APELA: variants seen among roughly 807,000 people sequenced by gnomAD.
APELA encodes the protein apelin receptor early endogenous ligand.
intron 2 of APELA, among the ~76,000 whole-genome samples, chr4:164,884,497 GACAA>G (rs1730730889): frequency 6.6e-6 from 1 of 152,094 alleles, no homozygotes; most frequent in Admixed American, 6.6e-5. Context: ...ACAATAATTT[GACAA>G]ACAACACCTT....
chr4:164,884,727 CTATCA>C (rs1196445323), intron 2 of APELA, among the ~76,000 whole-genome samples: 1 of 152,110 alleles, frequency 6.6e-6, no homozygotes, highest in Non-Finnish European at 1.5e-5. Flanking sequence ...GGCCCTTATC[CTATCA>C]TAACAATACT....
intron 2 of APELA, among the ~76,000 whole-genome samples, chr4:164,888,217 T>G (rs1730815603): frequency 6.6e-6 from 1 of 152,188 alleles, no homozygotes; most frequent in South Asian, 2.1e-4. Context: ...ACCACTCAAA[T>G]GAATCAAGCC....
Position 164,878,195 on chromosome 4 carries a change from A to AG in APELA, c.77-725_77-724insG, listed in dbSNP as rs1303426001. Among the ~76,000 whole-genome samples the AG allele has an allele frequency of 3.5e-3, 426 of 122,924 alleles. 1 individual carries two copies. Among genetic ancestry groups the AG allele is most frequent in the African/African-American group, 0.013 (416 of 31,122 alleles). 80.6% of individuals were successfully genotyped at this position (122,924 alleles called of 152,430 possible). A position where few individuals can be genotyped will look rare whatever the true frequency, so the allele number is the denominator to read the frequency against. ...AGAAAGAAAGAAAGAAAGAAACAGAAAAAAGAAAGAAAGAAAGAAAGAAAG... is the reference window on the plus strand; with the variant it reads ...AGAAAGAAAGAAAGAAAGAAACAGAAGAAAAGAAAGAAAGAAAGAAAGAAAG... On this transcript the variant is annotated intron_variant, in intron 1 of 2. Coordinates refer to ENST00000507152, the MANE Select transcript of APELA (RefSeq NM_001297550.2).
intron 2 of APELA, among the ~76,000 whole-genome samples, chr4:164,886,592 G>C (rs2111059686): frequency 6.6e-6 from 1 of 152,162 alleles, no homozygotes; most frequent in East Asian, 1.9e-4. Flanking sequence ...GCTATAGTGA[G>C]CTGTGATCAT....
At chr4:164,888,680 A>G (rs1226572084) in intron 2 of APELA, among the ~76,000 whole-genome samples, 1 of 152,162 alleles carries the variant, frequency 6.6e-6, no homozygotes, top group East Asian at 1.9e-4. Context: ...ACGACTGTTT[A>G]CCTTGCAGCA....
intron 1 of APELA, 106 bp downstream of exon 1, chr4:164,877,513 G>A (rs934270395): frequency 2.5e-6 from 1 of 397,688 alleles, no homozygotes; most frequent in Non-Finnish European, 4.4e-6. Flanking sequence ...TGTGCTTGCA[G>A]TTAGTAGTAT....
chr4:164,890,718 T>G (rs959143005), intron 2 of APELA, among the ~76,000 whole-genome samples: 3 of 152,210 alleles, frequency 2.0e-5, no homozygotes, highest in Admixed American at 2.0e-4. Flanking sequence ...GTGTATAAGT[T>G]TTTGTTGGAA....
At chr4:164,879,470 G>T (rs1400992400) in intron 2 of APELA, among the ~76,000 whole-genome samples, 6 of 151,446 alleles carry the variant, frequency 4.0e-5, no homozygotes, top group Non-Finnish European at 7.4e-5. Flanking sequence ...TCTCCCCCAG[G>T]GTCTTGCTCT....
intron 2 of APELA, among the ~76,000 whole-genome samples, chr4:164,891,304 G>T (rs1019736843): frequency 6.6e-6 from 1 of 152,018 alleles, no homozygotes; most frequent in Non-Finnish European, 1.5e-5. Flanking sequence ...ATAATCGAAG[G>T]TCACAAAGAT....
At chr4:164,890,681 A>G (rs969220680) in intron 2 of APELA, among the ~76,000 whole-genome samples, 4 of 152,208 alleles carry the variant, frequency 2.6e-5, no homozygotes, top group Admixed American at 6.5e-5. Context: ...TGTTTGGCTA[A>G]TATGAATCAT....
chr4:164,879,072 A>G (rs73871518), intron 2 of APELA, 63 bp downstream of exon 2: 6,836 of 398,626 alleles, frequency 0.017, 355 homozygotes, highest in African/African-American at 0.12. Flanking sequence ...ATATACCAGG[A>G]AATGTTTCTT....
chr4:164,885,270 A>G (rs1252825813), intron 2 of APELA, among the ~76,000 whole-genome samples: 1 of 152,062 alleles, frequency 6.6e-6, no homozygotes, highest in Non-Finnish European at 1.5e-5. Flanking sequence ...AGCTGGCATT[A>G]CAGGTTTGTG....
chr4:164,894,303 C>T (rs527959423), intron 2 of APELA, among the ~76,000 whole-genome samples: 18 of 152,056 alleles, frequency 1.2e-4, no homozygotes, highest in South Asian at 2.1e-4. Flanking sequence ...TCAACCTGGG[C>T]GACAAACATG....
At chr4:164,885,039 T>C (rs963113727) in intron 2 of APELA, among the ~76,000 whole-genome samples, 1 of 152,184 alleles carries the variant, frequency 6.6e-6, no homozygotes, top group Non-Finnish European at 1.5e-5. Context: ...TCCCTCTGCA[T>C]GCTGTAAATT....
downstream of APELA, among the ~76,000 whole-genome samples, chr4:164,898,180 T>C (rs1579115483): frequency 6.6e-6 from 1 of 150,582 alleles, no homozygotes; most frequent in Non-Finnish European, 1.5e-5. Flanking sequence ...CGTGAGCCAC[T>C]GCACCCAGCC....
intron 2 of APELA, among the ~76,000 whole-genome samples, chr4:164,892,981 A>G (rs953276066): frequency 6.6e-6 from 1 of 151,908 alleles, no homozygotes; most frequent in African/African-American, 2.4e-5. Context: ...TAGTAGTTTG[A>G]GTCTTTTCTC....
At chr4:164,892,364 A>C (rs1730898938) in intron 2 of APELA, among the ~76,000 whole-genome samples, 2 of 152,112 alleles carry the variant, frequency 1.3e-5, no homozygotes, top group East Asian at 1.9e-4. Context: ...ATTCACACAC[A>C]CATATATATG....
intron 2 of APELA, among the ~76,000 whole-genome samples, chr4:164,892,135 A>G (rs1730894646): frequency 1.3e-5 from 2 of 151,720 alleles, no homozygotes; most frequent in Admixed American, 6.6e-5. Context: ...ATATAGCAAA[A>G]CCCCATCTCT....
downstream of APELA, chr4:164,898,845 G>T (rs1268015396): frequency 6.6e-6 from 1 of 152,158 alleles, no homozygotes; most frequent in Non-Finnish European, 1.5e-5. Context: ...TTTACCCTCT[G>T]TTTAGGGACA....
Sources: gnomAD v4.1 joint callset for allele counts (sites outside exome capture counted in the v4.1 genomes callset) on GRCh38, gnomAD v4.1.1 for gene constraint, MANE v1.5 for transcripts, NCBI Gene and HGNC (gene_info 2026-07-23, HGNC 2026-07-21) for gene names.